SLC2A12: variants seen among roughly 807,000 people sequenced by gnomAD.
The protein encoded by SLC2A12 is solute carrier family 2 member 12, also known as solute carrier family 2, facilitated glucose transporter member 12.
A neutral mutation model predicts 41.8 loss-of-function variants in SLC2A12; 23 were observed. That is an observed-to-expected ratio of 0.55 (90% CI 0.40 to 0.78). SLC2A12 has a LOEUF of 0.78. Among genes scored for constraint, SLC2A12 ranks in the 30% least tolerant of loss-of-function variants. The probability of loss-of-function intolerance (pLI) is 0.00; values close to 1 mark genes in which losing one functional copy is unlikely to be tolerated. For synonymous variants in SLC2A12, 295 were observed against 285.9 expected, an observed-to-expected ratio of 1.03 and a Z score of -0.32; for missense variants, 654 against 745.6, an observed-to-expected ratio of 0.88 and a Z score of 1.43.
intron 1 of SLC2A12, among the ~76,000 whole-genome samples, chr6:134,031,223 C>T (rs75985545): frequency 0.028 from 4,269 of 152,094 alleles, 193 homozygotes; most frequent in African/African-American, 0.096. Flanking sequence ...AAAACCCCAT[C>T]ACTATTAAAA....
rs1156497040 is a variant in SLC2A12 at position 134,002,023 on chromosome 6, T to C, written c.1674A>G (p.Glu558=). 13 of 1,608,920 alleles carry C rather than the reference T, an allele frequency of 8.1e-6. No individual in the cohort carries two copies. The highest frequency in any genetic ancestry group is 1.3e-5 in the African/African-American group (1 of 74,444). The part of the protein sequence containing the change: ...FIPETKGCSL[E]QISMELAKVN... ...CTTTTGCTAGCTCCATTGATATTTG[T>C]TCCAAAGAGCATCCCTTTGTCTCAG... The change falls in exon 4 of 5, where the codon GAA becomes GAG. Residue 558 remains glutamate (E), a synonymous_variant. Transcript: ENST00000275230.
chr6:134,040,058 G>GTTTTTTTT (rs11371413), intron 1 of SLC2A12, among the ~76,000 whole-genome samples: 69 of 139,114 alleles, frequency 5.0e-4, no homozygotes, highest in Middle Eastern at 3.8e-3. Flanking sequence ...GTTGTTTTTT[G>GTTTTTTTT]TTTTTTTTTT....
chr6:133,992,379 G>T (rs1346128995), intron 4 of SLC2A12, among the ~76,000 whole-genome samples: 2 of 152,172 alleles, frequency 1.3e-5, no homozygotes, highest in African/African-American at 4.8e-5. Flanking sequence ...GAGTGAAGAA[G>T]TGGGAGGGGG....
intron 3 of SLC2A12, among the ~76,000 whole-genome samples, chr6:134,005,832 CA>C (rs992443795): frequency 4.6e-5 from 7 of 151,950 alleles, no homozygotes; most frequent in African/African-American, 1.7e-4. Context: ...TCTTTCTCCT[CA>C]AGCCTCTATC....
At position 133,991,143 on chromosome 6, in the gene SLC2A12, G is replaced by T. The variant is rs763540506; in HGVS notation, c.*12C>A. ...TTCTGGCACTATCCACGTTCAGAAG[G>T]TGTTGAGGCCATTAGGTCTCTGGAG... On this transcript the variant is annotated 3_prime_UTR_variant, in exon 5 of 5. Coordinates refer to ENST00000275230, the MANE Select transcript of SLC2A12 (RefSeq NM_145176.3). 1.2e-6 allele frequency: 2 copies of T among 1,609,036 alleles called. No individual in the cohort carries two copies. The highest frequency in any genetic ancestry group is 2.2e-5 in the South Asian group (2 of 89,830).
At chr6:134,037,287 A>C (rs1444854815) in intron 1 of SLC2A12, among the ~76,000 whole-genome samples, 4 of 137,242 alleles carry the variant, frequency 2.9e-5, no homozygotes, top group African/African-American at 8.4e-5. Context: ...CCTCCTATTC[A>C]TTTTTAAAGG....
chr6:134,043,790 C>CAAAAA (rs529160646), intron 1 of SLC2A12, among the ~76,000 whole-genome samples: 2 of 69,956 alleles, frequency 2.9e-5, no homozygotes, highest in Admixed American at 1.5e-4. Flanking sequence ...GACTCTGTCC[C>CAAAAA]AAAAAAAAAA....
At chr6:134,031,782 T>G (rs968282531) in intron 1 of SLC2A12, among the ~76,000 whole-genome samples, 8 of 152,192 alleles carry the variant, frequency 5.3e-5, no homozygotes, top group Non-Finnish European at 8.8e-5. Flanking sequence ...TATACAGATT[T>G]GGAGCTTAAA....
intron 1 of SLC2A12, 24 bp from the exon 2 acceptor site, chr6:134,029,745 G>A (rs1253606242): frequency 1.9e-6 from 3 of 1,575,450 alleles, no homozygotes; most frequent in African/African-American, 1.3e-5. Flanking sequence ...GAAGAGACAG[G>A]GAGGTCAGTT....
At chr6:134,022,533 AAAAAGAAAAG>A (rs10689126) in intron 2 of SLC2A12, among the ~76,000 whole-genome samples, 14,832 of 141,954 alleles carry the variant, frequency 0.1, 899 homozygotes, top group Admixed American at 0.15. Flanking sequence ...CTCCATCTCA[AAAAAGAAAAG>A]AAAAGAAAAG....
intron 4 of SLC2A12, among the ~76,000 whole-genome samples, chr6:133,993,207 G>A (rs933339976): frequency 3.3e-5 from 5 of 152,126 alleles, no homozygotes; most frequent in African/African-American, 1.2e-4. Flanking sequence ...TCTGGCTTCA[G>A]GACTTAAATA....
At chr6:133,994,465 C>T (rs1776658912) in intron 4 of SLC2A12, among the ~76,000 whole-genome samples, 2 of 152,276 alleles carry the variant, frequency 1.3e-5, no homozygotes, top group Admixed American at 6.5e-5. Flanking sequence ...CGGTGGCTCA[C>T]GCCTGTAATC....
At chr6:133,997,083 T>TACAAAAA (rs1776704942) in intron 4 of SLC2A12, among the ~76,000 whole-genome samples, 1 of 12,914 alleles carries the variant, frequency 7.7e-5, no homozygotes, top group Non-Finnish European at 1.5e-4. Context: ...CTACTAAAAA[T>TACAAAAA]ACAAAAAAAA....
At chr6:134,042,027 G>A (rs1377583438) in intron 1 of SLC2A12, among the ~76,000 whole-genome samples, 1 of 152,202 alleles carries the variant, frequency 6.6e-6, no homozygotes, top group Non-Finnish European at 1.5e-5. Context: ...AGATGTATCT[G>A]TACTTCTCAA....
chr6:134,052,421 C>A lies in SLC2A12; in HGVS notation c.60G>T (p.Val20=), dbSNP rs1773704253. 5.6e-6 allele frequency: 9 copies of A among 1,613,402 alleles called. No homozygotes were observed. The highest frequency in any genetic ancestry group is 5.9e-6 in the Non-Finnish European group (7 of 1,180,022). Reference sequence around the variant, plus strand: ...GCCGGCTGCCGCTGCCCTCCGTCTCCACGGCTGTCCCCTTCTGGTTCAGCA... The same window carrying A: ...GCCGGCTGCCGCTGCCCTCCGTCTCAACGGCTGTCCCCTTCTGGTTCAGCA... ...PSLLNQKGTA[V]ETEGSGSRHP... The change falls in exon 1 of 5, where the codon GTG becomes GTT. Residue 20 remains valine, a synonymous_variant. Transcript: ENST00000275230.
At chr6:134,006,193 C>CAAAA (rs571711008) in intron 3 of SLC2A12, among the ~76,000 whole-genome samples, 1 of 121,606 alleles carries the variant, frequency 8.2e-6, no homozygotes, top group Non-Finnish European at 1.7e-5. Context: ...AAAAAAAAAA[C>CAAAA]AAAAAAAAAA....
chr6:134,029,292 C>G lies in SLC2A12; in HGVS notation c.533G>C (p.Gly178Ala). The G allele has an allele frequency of 1.9e-6, 3 of 1,614,182 alleles. No individual in the cohort carries two copies. The highest frequency in any genetic ancestry group is 2.5e-6 in the Non-Finnish European group (3 of 1,180,038). The change falls in exon 2 of 5, where the codon GGC (glycine) becomes GCC (alanine). Residue 178 changes from glycine to alanine, a missense_variant. By Grantham distance (60) the Gly-to-Ala change is moderately conservative. Coordinates refer to ENST00000275230, the MANE Select transcript of SLC2A12 (RefSeq NM_145176.3). ...ATTTGAAATATAGGCAGAAAGAATG[C>G]CGATGACAATCATCAGCTCATTCAG... ...VSLNELMIVI[G>A]ILSAYISNYA... is the part of the protein sequence containing the mutation.
intron 2 of SLC2A12, among the ~76,000 whole-genome samples, chr6:134,017,645 G>T (rs1381932253): frequency 2.0e-5 from 3 of 152,088 alleles, no homozygotes; most frequent in African/African-American, 7.2e-5. Context: ...AAGGTCAGGA[G>T]ATCGAGACCA....
intron 1 of SLC2A12, among the ~76,000 whole-genome samples, chr6:134,051,098 T>C (rs1773677532): frequency 6.6e-6 from 1 of 152,106 alleles, no homozygotes; most frequent in South Asian, 2.1e-4. Context: ...TATTTTTCTG[T>C]ATTTTTAGTA....
Sources: gnomAD v4.1 joint callset for allele counts (sites outside exome capture counted in the v4.1 genomes callset) on GRCh38, gnomAD v4.1.1 for gene constraint, MANE v1.5 for transcripts, NCBI Gene and HGNC (gene_info 2026-07-23, HGNC 2026-07-21) for gene names.